The following SYNE2 variants were observed in gnomAD, a reference collection of about 807,000 sequenced individuals.
SYNE2 encodes the protein nesprin-2.
A neutral mutation model predicts 856.3 loss-of-function variants in SYNE2; 431 were observed. The observed-to-expected ratio is 0.50, with a 90% CI of 0.47 to 0.55. The LOEUF is 0.55. Ranked by LOEUF, SYNE2 falls within the 20% of genes least tolerant of loss-of-function variation. The pLI, the probability that SYNE2 is intolerant of heterozygous loss-of-function variation, is 0.00. For synonymous variants in SYNE2, 2,923 were observed against 2,872.3 expected, an observed-to-expected ratio of 1.02 and a Z score of -0.56; for missense variants, 8,129 against 8,023.2, an observed-to-expected ratio of 1.01 and a Z score of -0.50.
At chr14:63,997,539 C>G in intron 25 of SYNE2, 148 bp downstream of exon 25, 1 of 752,402 alleles carries the variant, frequency 1.3e-6, no homozygotes, top group Admixed American at 2.1e-5. Flanking sequence ...ATGCAAAAGA[C>G]TGATTTTCAA....
rs552229584 is a variant in SYNE2, at chr14:63,864,724, G to T, written c.-52+11581G>T. ...ATTTCTTTTCTAATTTGTTTTTCAG[G>T]GGTAGTGAGGACTGGGAGTGGGGGT... is the stretch of plus-strand genomic sequence containing the variant. On this transcript the variant is annotated intron_variant, in intron 1 of 115. Coordinates refer to ENST00000555002, the MANE Select transcript of SYNE2 (RefSeq NM_182914.3). Among the ~76,000 whole-genome samples, 73 of 152,110 alleles carry T rather than the reference G, an allele frequency of 4.8e-4. 1 individual carries two copies. In the South Asian group the frequency reaches 0.015, roughly 32 times the overall value.
At chr14:64,121,177 G>A (rs1158171070) in intron 68 of SYNE2, 116 bp downstream of exon 68, 1 of 1,454,218 alleles carries the variant, frequency 6.9e-7, no homozygotes, top group Non-Finnish European at 9.5e-7. Flanking sequence ...ATCACCTGTG[G>A]CCAGGTGTTC....
At chr14:64,062,448 C>T (rs1214233339) in intron 49 of SYNE2, among the ~76,000 whole-genome samples, 2 of 152,086 alleles carry the variant, frequency 1.3e-5, no homozygotes, top group African/African-American at 4.8e-5. Flanking sequence ...TACCAATTTA[C>T]AGCTCATCAG....
chr14:64,159,587 T>A (rs893271678), intron 87 of SYNE2, 145 bp downstream of exon 87: 3 of 945,398 alleles, frequency 3.2e-6, no homozygotes. Flanking sequence ...CTTTGATGAA[T>A]CTAGTCTATG....
At chr14:63,952,166 G>C (rs1398021359) in intron 7 of SYNE2, among the ~76,000 whole-genome samples, 1 of 152,166 alleles carries the variant, frequency 6.6e-6, no homozygotes, top group Non-Finnish European at 1.5e-5. Context: ...TGCCAACCAG[G>C]AGCCTAATTC....
intron 85 of SYNE2, among the ~76,000 whole-genome samples, chr14:64,156,545 A>G (rs1595887909): frequency 1.3e-5 from 2 of 148,566 alleles, no homozygotes; most frequent in Non-Finnish European, 3.0e-5. Context: ...TGCAACTTCC[A>G]CCTTCCAGGT....
chr14:63,874,209 ATTGTAGTTCT>A (rs1458833377), intron 1 of SYNE2, among the ~76,000 whole-genome samples: 1 of 152,116 alleles, frequency 6.6e-6, no homozygotes, highest in Non-Finnish European at 1.5e-5. Context: ...CGTGTTGTTC[ATTGTAGTTCT>A]TTAAAACCTT....
intron 1 of SYNE2, among the ~76,000 whole-genome samples, chr14:63,825,042 G>A (rs549194941): frequency 6.6e-6 from 1 of 152,070 alleles, no homozygotes; most frequent in South Asian, 2.1e-4. Flanking sequence ...GGAGGTTACA[G>A]TGACCTGAGA....
At chr14:64,216,423 C>T (rs1175484895) in intron 108 of SYNE2, 36 bp downstream of exon 108, 2 of 1,603,878 alleles carry the variant, frequency 1.2e-6, no homozygotes, top group African/African-American at 1.3e-5. Context: ...CAGCCTATGT[C>T]TGTGAGTCAT....
intron 1 of SYNE2, among the ~76,000 whole-genome samples, chr14:63,788,130 G>A (rs1180913201): frequency 6.6e-6 from 1 of 152,224 alleles, no homozygotes; most frequent in Admixed American, 6.5e-5. Context: ...GACTGCGACA[G>A]CATCCCTGCT....
intron 103 of SYNE2, among the ~76,000 whole-genome samples, chr14:64,210,379 C>T (rs982275223): frequency 5.3e-5 from 8 of 152,206 alleles, no homozygotes; most frequent in Admixed American, 2.0e-4. Context: ...CTTTTTACAA[C>T]TTCTGTAACC....
At chr14:64,016,910 T>C (rs960065616) in intron 33 of SYNE2, among the ~76,000 whole-genome samples, 1 of 152,196 alleles carries the variant, frequency 6.6e-6, no homozygotes, top group Non-Finnish European at 1.5e-5. Flanking sequence ...ATATTTAATA[T>C]AATTTTGGTT....
chr14:63,963,935 C>G lies in SYNE2; in HGVS notation c.925C>G (p.Gln309Glu). ...AGATGCTATGGGCTGGTTAACTCTGCAAAAGGAAAAACTACAGAAGTTGCT... is the reference window on the plus strand; with the variant it reads ...AGATGCTATGGGCTGGTTAACTCTGGAAAAGGAAAAACTACAGAAGTTGCT... ...VKDAMGWLTL[Q>E]KEKLQKLLKD... Residue 309 changes from glutamine (Q) to glutamate (E), a missense_variant, in exon 10 of 116, where the codon CAA becomes GAA. Transcript: ENST00000555002. 6.2e-7 allele frequency: 1 copy of G among 1,612,874 alleles called. No homozygotes were observed. The highest frequency in any genetic ancestry group is 8.5e-7 in the Non-Finnish European group (1 of 1,179,092).
chr14:64,087,587 C>T, intron 57 of SYNE2, 84 bp from the exon 58 acceptor site: 1 of 1,444,754 alleles, frequency 6.9e-7, no homozygotes, highest in Non-Finnish European at 9.7e-7. Flanking sequence ...AGATAACTTT[C>T]AATTTTCTCT....
intron 63 of SYNE2, among the ~76,000 whole-genome samples, chr14:64,100,531 A>AAAAAAAAATATATATAT (rs1491537041): frequency 2.5e-5 from 1 of 39,480 alleles, no homozygotes; most frequent in Non-Finnish European, 4.7e-5. Flanking sequence ...AAAAAAAAAA[A>AAAAAAAAATATATATAT]ATATATATAT....
chr14:64,052,556 G>A lies in SYNE2; in HGVS notation c.8643G>A (p.Gln2881=). 6.2e-7 allele frequency: 1 copy of A among 1,614,154 alleles called. No homozygotes were observed. The highest frequency in any genetic ancestry group is 8.5e-7 in the Non-Finnish European group (1 of 1,180,042). The change falls in exon 48 of 116, where the codon CAG becomes CAA. Residue 2881 remains glutamine (Q), a synonymous_variant. Transcript: ENST00000555002. ...ACCATGTTACTTTGGAGGCATCTCA[G>A]AAGGAATTGCAAGAAATTGACAGTG... ...KHHHVTLEAS[Q]KELQEIDSGI...
In SYNE2 at chr14:64,128,495, C is replaced by T. The variant is rs1191110072; in HGVS notation, c.13961C>T (p.Thr4654Ile). The part of the protein sequence containing the change: ...RLYHQLIKSK[T>I]SLQQSLNEIS... ...TATCATCAGCTCATTAAGAGTAAGACATCTTTACAACAGTCTTTGAATGAA... is the reference window on the plus strand; with the variant it reads ...TATCATCAGCTCATTAAGAGTAAGATATCTTTACAACAGTCTTTGAATGAA... Residue 4654 changes from threonine (T) to isoleucine (I), a missense_variant, in exon 74 of 116, where the codon ACA becomes ATA. This residue lies in a region of SYNE2 where 5,410 missense variants were observed against 5,284.8 expected (regional missense o/e 1.02). Transcript: ENST00000555002. 1.2e-6 allele frequency: 2 copies of T among 1,608,322 alleles called. No individual in the cohort carries two copies. The highest frequency in any genetic ancestry group is 2.7e-5 in the African/African-American group (2 of 74,778).
At chr14:64,224,181 CAAAAAA>C (rs35804232) in intron 113 of SYNE2, among the ~76,000 whole-genome samples, 6 of 74,748 alleles carry the variant, frequency 8.0e-5, no homozygotes, top group African/African-American at 2.7e-4. Flanking sequence ...CCCGTCTCTG[CAAAAAA>C]AAAAAAAAAA....
In SYNE2 at chr14:64,125,203, A is replaced by G. The variant is rs1021592397; in HGVS notation, c.13547A>G (p.Gln4516Arg). The G allele has an allele frequency of 6.2e-7, 1 of 1,614,178 alleles. No homozygotes were observed. The highest frequency in any genetic ancestry group is 8.5e-7 in the Non-Finnish European group (1 of 1,180,016). Reference protein sequence around the residue: ...EDLRQEASNLQTQENMTEEAY... With the variant: ...EDLRQEASNLRTQENMTEEAY... ...CTGCGCCAAGAAGCAAGTAACCTTC[A>G]GACACAGGTAGAAGCTGCACACAAT... Residue 4516 changes from glutamine to arginine, a missense_variant, in exon 71 of 116, where the codon CAG (glutamine) becomes CGG (arginine). Physicochemically the swap from Gln to Arg is conservative, Grantham distance 43. Coordinates refer to ENST00000555002, the MANE Select transcript of SYNE2 (RefSeq NM_182914.3).
Sources: allele counts gnomAD v4.1 joint callset (sites outside exome capture counted in the v4.1 genomes callset), GRCh38; gene constraint gnomAD v4.1.1; regional missense constraint gnomAD v4.1.1; transcripts MANE v1.5; gene names NCBI Gene and HGNC (gene_info 2026-07-23, HGNC 2026-07-21).